The following DOCK9 variants were observed in gnomAD, a reference collection of about 807,000 sequenced individuals.
The protein encoded by DOCK9 is dedicator of cytokinesis protein 9.
A neutral mutation model predicts 263.3 loss-of-function variants in DOCK9; 89 were observed. The ratio of observed to expected loss-of-function variants is 0.34; its 90% CI spans 0.28 to 0.40. DOCK9 has a LOEUF of 0.40. Among genes scored for constraint, DOCK9 ranks in the 10% least tolerant of loss-of-function variants. The probability of loss-of-function intolerance (pLI) is 1.00; values close to 1 mark genes in which losing one functional copy is unlikely to be tolerated. For synonymous variants in DOCK9, 976 were observed against 973.1 expected, an observed-to-expected ratio of 1.00 and a Z score of -0.06; for missense variants, 2,140 against 2,603.4, an observed-to-expected ratio of 0.82 and a Z score of 3.87.
rs548073706 is a variant in DOCK9 at position 99,040,383 on chromosome 13, C to A, written c.129+45840G>T. ...TAACACAGTCAGCAGGAGCAATAATCTATCAATACTGTTAAGACCCAAAAG... is the reference window on the plus strand; with the variant it reads ...TAACACAGTCAGCAGGAGCAATAATATATCAATACTGTTAAGACCCAAAAG... On this transcript the variant is annotated intron_variant, in intron 1 of 32. Coordinates refer to the DOCK9 transcript ENST00000427887. 9.7e-4 allele frequency among the ~76,000 whole-genome samples: 148 copies of A among 152,168 alleles called. 2 individuals carry two copies. The highest frequency in any genetic ancestry group is 3.4e-3 in the African/African-American group (141 of 41,504).
chr13:98,948,520 C>T (rs2057004046), intron 2 of DOCK9, among the ~76,000 whole-genome samples: 1 of 152,134 alleles, frequency 6.6e-6, no homozygotes, highest in South Asian at 2.1e-4. Flanking sequence ...TAACGAAATC[C>T]TATGCTTTTT....
At chr13:98,975,261 C>G (rs1595775421) in intron 1 of DOCK9, among the ~76,000 whole-genome samples, 1 of 151,946 alleles carries the variant, frequency 6.6e-6, no homozygotes, top group East Asian at 1.9e-4. Context: ...CACCTATAAT[C>G]TTAGCTACTC....
intron 1 of DOCK9, among the ~76,000 whole-genome samples, chr13:99,078,451 T>A (rs557838584): frequency 6.6e-6 from 1 of 152,172 alleles, no homozygotes; most frequent in Admixed American, 6.5e-5. Context: ...GGGTGCTTAG[T>A]CGTATGGGGT....
intron 1 of DOCK9, among the ~76,000 whole-genome samples, chr13:99,040,038 A>G (rs368633179): frequency 9.2e-5 from 14 of 152,336 alleles, no homozygotes; most frequent in South Asian, 6.2e-4. Context: ...CCCAAAACTC[A>G]TATGTTGAAA....
chr13:98,932,674 TTC>T (rs891134413), intron 2 of DOCK9, among the ~76,000 whole-genome samples: 1 of 152,190 alleles, frequency 6.6e-6, no homozygotes, highest in Non-Finnish European at 1.5e-5. Context: ...TGCCTGTATT[TTC>T]TCTCTCTGTT....
intron 3 of DOCK9, 123 bp downstream of exon 3, chr13:98,930,045 C>T (rs777484737): frequency 5.9e-6 from 5 of 851,090 alleles, no homozygotes; most frequent in Non-Finnish European, 7.4e-6. Context: ...TCTATTTGAA[C>T]TTCCATCATA....
At position 98,817,968 on chromosome 13, in the gene DOCK9, T is replaced by C. The variant is rs149847453; in HGVS notation, c.5130+6430A>G. 3.9e-3 allele frequency among the ~76,000 whole-genome samples: 588 copies of C among 152,294 alleles called. 3 individuals are homozygous for C. The highest frequency in any genetic ancestry group is 0.013 in the African/African-American group (553 of 41,566). On this transcript the variant is annotated intron_variant, in intron 45 of 52. Coordinates refer to ENST00000682017, the MANE Select transcript of DOCK9 (RefSeq NM_001366683.2). ...TACTCTACTGAACATTATTTCGTCT[T>C]CTTTTCTGACTCAGAGGCCATTCAA...
chr13:98,921,945 CT>C (rs1473040327), intron 6 of DOCK9, 105 bp downstream of exon 6: 41 of 1,005,248 alleles, frequency 4.1e-5, no homozygotes, highest in Non-Finnish European at 3.0e-6. Context: ...GACAATGTCC[CT>C]TTTGTGGGGA....
In DOCK9 at chr13:98,923,490, T is replaced by A; in HGVS notation, c.417-119A>T. On this transcript the variant is annotated intron_variant, in intron 4 of 52. Transcript: ENST00000682017. Reference sequence around the variant, plus strand: ...AAATCCAAAGATGGCCCAGCTTCTTTATTCAGACAAAGAATAAAACCATCT... The same window carrying A: ...AAATCCAAAGATGGCCCAGCTTCTTAATTCAGACAAAGAATAAAACCATCT... 6.2e-6 allele frequency: 5 copies of A among 802,740 alleles called. No individual in the cohort carries two copies. The South Asian group carries it at 7.7e-5, about 12-fold the overall frequency. 49.7% of individuals were successfully genotyped at this position (802,740 alleles called of 1,614,324 possible).
chr13:99,017,122 A>G (rs550346517), intron 1 of DOCK9, among the ~76,000 whole-genome samples: 1 of 152,344 alleles, frequency 6.6e-6, no homozygotes, highest in South Asian at 2.1e-4. Context: ...TGCAAAAAAC[A>G]GGATGACCCT....
chr13:98,992,651 C>T (rs1880082396), intron 1 of DOCK9, among the ~76,000 whole-genome samples: 1 of 152,218 alleles, frequency 6.6e-6, no homozygotes, highest in African/African-American at 2.4e-5. Context: ...CACTTGCCTG[C>T]CGCCACATAA....
In DOCK9 at chr13:98,807,887, AGGGGG is replaced by A; in HGVS notation, c.5368-85_5368-81del. Reference sequence around the variant, plus strand: ...ACCTAGGAAGCGTTCTTTTATTACAAGGGGGAAAAAAAGGAATGGGTCTAAAAATC... The same window carrying A: ...ACCTAGGAAGCGTTCTTTTATTACAAAAAAAAAGGAATGGGTCTAAAAATC... On this transcript the variant is annotated intron_variant, in intron 47 of 52. Coordinates refer to ENST00000682017, the MANE Select transcript of DOCK9 (RefSeq NM_001366683.2). 4 of 1,241,296 alleles carry A rather than the reference AGGGGG, an allele frequency of 3.2e-6. No homozygotes were observed. The Admixed American group carries it at 8.6e-5, about 27-fold the overall frequency. The allele number at this position is 1,241,296 out of a possible 1,614,324, so 76.9% of individuals were successfully genotyped here.
intron 1 of DOCK9, among the ~76,000 whole-genome samples, chr13:99,069,181 G>A (rs1596030503): frequency 1.3e-5 from 2 of 152,162 alleles, no homozygotes; most frequent in African/African-American, 4.8e-5. Context: ...ACCAATGTAC[G>A]TGTAAAACTG....
At chr13:98,826,079 A>T (rs2092522808) in intron 44 of DOCK9, 5 of 569,382 alleles carry the variant, frequency 8.8e-6, no homozygotes, top group Admixed American at 4.1e-5. Flanking sequence ...TGCACCAGAA[A>T]TATACAGTCT....
chr13:99,052,653 C>T (rs11617138), intron 1 of DOCK9, among the ~76,000 whole-genome samples: 2,643 of 152,044 alleles, frequency 0.017, 43 homozygotes, highest in South Asian at 0.056. Flanking sequence ...TGGAGAGCAA[C>T]GCAGTGGTGC....
chr13:99,038,288 C>CCGCTTTTTTTTTTTTTT (rs1888110933), intron 1 of DOCK9, among the ~76,000 whole-genome samples: 1 of 86,264 alleles, frequency 1.2e-5, no homozygotes. Context: ...TTATGCCCCC[C>CCGCTTTTTTTTTTTTTT]TTTTTTTTTT....
chr13:98,969,084 G>A (rs1438980168), intron 1 of DOCK9, among the ~76,000 whole-genome samples: 1 of 152,192 alleles, frequency 6.6e-6, no homozygotes, highest in East Asian at 1.9e-4. Context: ...ATAACAGAAA[G>A]GGGTGCTGGC....
At chr13:98,896,803 G>A (rs531778775) in intron 15 of DOCK9, among the ~76,000 whole-genome samples, 1 of 152,182 alleles carries the variant, frequency 6.6e-6, no homozygotes, top group Non-Finnish European at 1.5e-5. Context: ...ATTGTTATGG[G>A]TTGAATTGTG....
rs781406610 is a variant in DOCK9, at chr13:98,825,920, G to A, written c.5023+910C>T. 6.4e-7 allele frequency: 1 copy of A among 1,553,586 alleles called. No homozygotes were observed. Among genetic ancestry groups the A allele is most frequent in the South Asian group, 1.2e-5 (1 of 80,194 alleles). On this transcript the variant is annotated intron_variant, in intron 44 of 52. Transcript: ENST00000682017. This position sits in a 1 kb window ranked among gnomAD's most constrained non-coding sequence, Gnocchi z 4.1. ...GCGCTATGGCTGTGGGGGAGAAGGG[G>A]CGGCTCCCACTGGACTGCTTCTAAA... is the stretch of plus-strand genomic sequence containing the variant.
Sources: gnomAD v4.1 joint callset for allele counts (sites outside exome capture counted in the v4.1 genomes callset) on GRCh38, gnomAD v4.1.1 for gene constraint, Gnocchi (gnomAD v3.1) non-coding constraint, MANE v1.5 for transcripts, NCBI Gene and HGNC (gene_info 2026-07-23, HGNC 2026-07-21) for gene names.